CADPS2: variants seen among roughly 807,000 people sequenced by gnomAD.
CADPS2 encodes calcium-dependent secretion activator 2.
In CADPS2, 93 loss-of-function variants were observed where a neutral mutation model predicts 172.5. The observed-to-expected ratio is 0.54, with a 90% CI of 0.46 to 0.64. The LOEUF (loss-of-function observed/expected upper bound fraction) is 0.64. Among genes scored for constraint, CADPS2 ranks in the 30% least tolerant of loss-of-function variants. The pLI is 0.00. For synonymous variants in CADPS2, 546 were observed against 555.2 expected (o/e 0.98, Z 0.23); for missense variants, 1,420 against 1,565.9 (o/e 0.91, Z 1.57).
At chr7:122,565,589 A>T (rs1281538370) in intron 7 of CADPS2, among the ~76,000 whole-genome samples, 3 of 152,150 alleles carry the variant, frequency 2.0e-5, no homozygotes, top group Non-Finnish European at 4.4e-5. Flanking sequence ...TGCTCTTCTG[A>T]TCTAAGGAGT....
intron 2 of CADPS2, among the ~76,000 whole-genome samples, chr7:122,724,446 C>T (rs183162489): frequency 2.6e-4 from 39 of 152,130 alleles, no homozygotes; most frequent in African/African-American, 8.2e-4. Context: ...AAGCAGTACA[C>T]ATGATAATAT....
intron 1 of CADPS2, among the ~76,000 whole-genome samples, chr7:122,807,402 G>A (rs1183397811): frequency 6.6e-6 from 1 of 152,134 alleles, no homozygotes; most frequent in Non-Finnish European, 1.5e-5. Flanking sequence ...CCTATAATCT[G>A]GAGAGAAATT....
At chr7:122,839,327 T>C (rs1380096613) in intron 1 of CADPS2, among the ~76,000 whole-genome samples, 2 of 152,016 alleles carry the variant, frequency 1.3e-5, no homozygotes. Context: ...ATAAAAACCC[T>C]AGAAGAAAAC....
Position 122,615,270 on chromosome 7 carries a change from C to A in CADPS2, c.1134G>T (p.Lys378Asn), listed in dbSNP as rs1367822244. ...EIVIMEVQGL[K>N]SVAPNRIVYC... Reference sequence around the variant, plus strand: ...AAACAATTCGATTGGGAGCAACTGACTTCAGGCCTTGCACTTCCATTATGA... The same window carrying A: ...AAACAATTCGATTGGGAGCAACTGAATTCAGGCCTTGCACTTCCATTATGA... The change falls in exon 6 of 30, where the codon AAG (lysine) becomes AAT (asparagine). Residue 378 changes from lysine to asparagine, a missense_variant. Transcript: ENST00000449022. 1 of 1,551,624 alleles carries A rather than the reference C, an allele frequency of 6.4e-7. No homozygotes were observed. The highest frequency in any genetic ancestry group is 8.7e-7 in the Non-Finnish European group (1 of 1,145,018).
intron 26 of CADPS2, 30 bp downstream of exon 26, chr7:122,360,900 C>G (rs1729646863): frequency 1.2e-6 from 2 of 1,607,626 alleles, no homozygotes; most frequent in Non-Finnish European, 1.7e-6. Context: ...AGTTAAAAGA[C>G]CACAGAAGAG....
intron 29 of CADPS2, among the ~76,000 whole-genome samples, chr7:122,323,876 TATATATATA>T (rs2033192188): frequency 0.022 from 382 of 17,762 alleles, 7 homozygotes; most frequent in South Asian, 0.064. Context: ...GTATATTTTA[TATATATATA>T]TATATATATA....
intron 14 of CADPS2, among the ~76,000 whole-genome samples, chr7:122,463,643 A>G (rs939143136): frequency 2.0e-5 from 3 of 152,208 alleles, no homozygotes; most frequent in African/African-American, 4.8e-5. Flanking sequence ...CACATCTAAC[A>G]TAAGAAGTTA....
intron 19 of CADPS2, 129 bp downstream of exon 19, chr7:122,413,939 G>A: frequency 5.4e-6 from 4 of 744,866 alleles, no homozygotes; most frequent in Non-Finnish European, 8.7e-6. Context: ...AAGAAAAACA[G>A]ACATTCTGTA....
chr7:122,464,273 GA>G (rs1204489102), intron 14 of CADPS2, among the ~76,000 whole-genome samples: 1 of 152,136 alleles, frequency 6.6e-6, no homozygotes, highest in Non-Finnish European at 1.5e-5. Context: ...GCTACAGCAG[GA>G]ACAATCTGAG....
At chr7:122,547,169 C>T (rs188523516) in intron 8 of CADPS2, among the ~76,000 whole-genome samples, 89 of 151,914 alleles carry the variant, frequency 5.9e-4, no homozygotes, top group African/African-American at 1.8e-3. Flanking sequence ...ACTCTACCCA[C>T]AAGAAATGTT....
intron 11 of CADPS2, among the ~76,000 whole-genome samples, chr7:122,486,004 C>T (rs2057773635): frequency 6.6e-6 from 1 of 152,120 alleles, no homozygotes; most frequent in Admixed American, 6.6e-5. Flanking sequence ...TTTAAGTCCA[C>T]TGCTGAGGCC....
chr7:122,673,887 G>A (rs2082123789), intron 2 of CADPS2, among the ~76,000 whole-genome samples: 1 of 151,582 alleles, frequency 6.6e-6, no homozygotes, highest in Non-Finnish European at 1.5e-5. Context: ...GGGGAGGCTT[G>A]GGCCACTGGG....
At chr7:122,379,001 T>TCC (rs1429097422) in intron 25 of CADPS2, 1 of 176,952 alleles carries the variant, frequency 5.7e-6, no homozygotes, top group Non-Finnish European at 1.2e-5. Context: ...TCTAGAGCCT[T>TCC]AGTGCCATCG....
At chr7:122,681,403 T>A in intron 2 of CADPS2, 1 of 1,506,960 alleles carries the variant, frequency 6.6e-7, no homozygotes, top group South Asian at 1.1e-5. Context: ...GCCCGATGCG[T>A]GCCCAAGGAC....
intron 8 of CADPS2, among the ~76,000 whole-genome samples, chr7:122,515,494 C>A (rs1325251771): frequency 6.6e-6 from 1 of 152,068 alleles, no homozygotes; most frequent in South Asian, 2.1e-4. Context: ...ATGACAGGTG[C>A]CTTTTATGAA....
intron 5 of CADPS2, among the ~76,000 whole-genome samples, chr7:122,617,012 G>A (rs975692150): frequency 4.6e-5 from 7 of 152,090 alleles, no homozygotes; most frequent in South Asian, 2.1e-4. Context: ...TCTAGAAATC[G>A]TAAGAGCATT....
intron 2 of CADPS2, among the ~76,000 whole-genome samples, chr7:122,692,981 G>A (rs572116377): frequency 2.6e-5 from 4 of 152,312 alleles, no homozygotes; most frequent in East Asian, 1.9e-4. Context: ...GTGGCTTAGA[G>A]CCAAATGATA....
intron 14 of CADPS2, among the ~76,000 whole-genome samples, chr7:122,461,959 G>A (rs755646491): frequency 2.6e-5 from 4 of 152,106 alleles, no homozygotes; most frequent in Non-Finnish European, 4.4e-5. Context: ...AAAGTTCTAA[G>A]AGAAAATAAC....
At chr7:122,788,652 T>C (rs1239747163) in intron 1 of CADPS2, among the ~76,000 whole-genome samples, 1 of 152,196 alleles carries the variant, frequency 6.6e-6, no homozygotes, top group African/African-American at 2.4e-5. Context: ...AAGTCAACAA[T>C]CCTGCCTTCG....
Sources: allele counts gnomAD v4.1 joint callset (sites outside exome capture counted in the v4.1 genomes callset), GRCh38; gene constraint gnomAD v4.1.1; transcripts MANE v1.5; gene names NCBI Gene and HGNC (gene_info 2026-07-23, HGNC 2026-07-21).